Variants in TEX11 observed in about 807,000 individuals in gnomAD.
The protein encoded by TEX11 is testis-expressed protein 11.
Under a neutral mutation model 84.4 loss-of-function variants are expected in TEX11, and 7 were observed. That is an observed-to-expected ratio of 0.08 (90% CI 0.05 to 0.16). The LOEUF is 0.16. TEX11 is among the 10% of genes least tolerant of loss of function. TEX11 has a pLI of 1.00. For synonymous variants in TEX11, 264 were observed against 222.8 expected, an observed-to-expected ratio of 1.18 and a Z score of -1.64; for missense variants, 551 against 660.5, an observed-to-expected ratio of 0.83 and a Z score of 1.82.
intron 7 of TEX11, among the ~76,000 whole-genome samples, chrX:70,838,209 A>G (rs2091416825): frequency 8.9e-6 from 1 of 111,856 alleles, no homozygotes; most frequent in Admixed American, 9.5e-5. Flanking sequence ...ACCTGAGGTC[A>G]GGAGTTCAAG....
intron 7 of TEX11, among the ~76,000 whole-genome samples, chrX:70,838,886 G>C (rs1421133599): frequency 6.2e-5 from 7 of 112,460 alleles, no homozygotes; most frequent in Non-Finnish European, 1.3e-4. Context: ...CTCGCTCATT[G>C]CTAGCACAGC....
intron 13 of TEX11, among the ~76,000 whole-genome samples, chrX:70,703,293 C>T (rs1431417833): frequency 9.0e-6 from 1 of 111,497 alleles, no homozygotes; most frequent in Non-Finnish European, 1.9e-5. Context: ...TACATAATCT[C>T]TTGTAATCTG....
intron 16 of TEX11, among the ~76,000 whole-genome samples, chrX:70,652,563 T>A (rs1215109607): frequency 8.9e-6 from 1 of 112,218 alleles, no homozygotes; most frequent in Non-Finnish European, 1.9e-5. Flanking sequence ...GTTATAGTGG[T>A]TGTTTCTAGA....
chrX:70,629,537 G>T, intron 18 of TEX11, 74 bp downstream of exon 18: 1 of 1,106,157 alleles, frequency 9.0e-7, no homozygotes, highest in Non-Finnish European at 1.2e-6. Context: ...GTGTCTAACT[G>T]ATAATGATTC....
intron 14 of TEX11, among the ~76,000 whole-genome samples, chrX:70,679,351 C>T (rs2090109858): frequency 1.8e-5 from 2 of 109,773 alleles, no homozygotes; most frequent in Non-Finnish European, 1.9e-5. Flanking sequence ...AGCCTCTGCC[C>T]GGCCACCACC....
chrX:70,829,481 CAAAAAAAAA>C (rs60664977), intron 8 of TEX11, among the ~76,000 whole-genome samples: 18 of 72,859 alleles, frequency 2.5e-4, no homozygotes, highest in South Asian at 6.7e-4. Flanking sequence ...CATTCCGTCT[CAAAAAAAAA>C]AAAAAAAAAA....
At chrX:70,908,588 A>G (rs1569465217) in intron 1 of TEX11, 66 bp downstream of exon 1, 1 of 112,134 alleles carries the variant, frequency 8.9e-6, no homozygotes, top group African/African-American at 3.2e-5. Flanking sequence ...CTTGCTAGTT[A>G]TAAACTACCC....
rs1291671125 is a variant in TEX11, at chrX:70,880,074, G to C, written c.73C>G (p.Pro25Ala). 1 of 1,181,046 alleles carries C rather than the reference G, an allele frequency of 8.5e-7. No homozygotes were observed. The highest frequency in any genetic ancestry group is 1.8e-5 in the African/African-American group (1 of 56,567). Residue 25 changes from proline (P) to alanine (A), a missense_variant, in exon 3 of 30, where the codon CCT (proline) becomes GCT (alanine). Coordinates refer to ENST00000374333, the MANE Select transcript of TEX11 (RefSeq NM_031276.3). The stretch of plus-strand genomic sequence containing the variant: ...CTATCAATTGCCTCTGGTATGTTAG[G>C]TGAATTATCATTTGTAACCAGGTTT... ...VENLVTNDNSPNIPEAIDRLF... is the reference protein window; with the variant it reads ...VENLVTNDNSANIPEAIDRLF...
At chrX:70,531,954 C>T (rs1476117103) in intron 28 of TEX11, among the ~76,000 whole-genome samples, 2 of 111,412 alleles carry the variant, frequency 1.8e-5, no homozygotes, top group South Asian at 7.7e-4. Flanking sequence ...CCTAAGCAGA[C>T]GATTTATGTA....
intron 8 of TEX11, among the ~76,000 whole-genome samples, chrX:70,825,178 G>A (rs975026634): frequency 9.1e-6 from 1 of 110,015 alleles, no homozygotes; most frequent in African/African-American, 3.3e-5. Context: ...TGGGCATGGT[G>A]GTGTACGCTT....
At chrX:70,864,659 T>G (rs2147861622) in intron 4 of TEX11, among the ~76,000 whole-genome samples, 1 of 98,994 alleles carries the variant, frequency 1.0e-5, no homozygotes, top group East Asian at 3.1e-4. Context: ...GAAGAATCAC[T>G]CAAACCCGGG....
intron 8 of TEX11, among the ~76,000 whole-genome samples, chrX:70,810,653 A>C (rs984882572): frequency 2.7e-5 from 3 of 110,383 alleles, no homozygotes; most frequent in African/African-American, 9.9e-5. Context: ...AGGGGTGAGG[A>C]GGTATGGGAG....
At chrX:70,889,405 G>A (rs2091726153) in intron 2 of TEX11, among the ~76,000 whole-genome samples, 1 of 109,115 alleles carries the variant, frequency 9.2e-6, no homozygotes. Flanking sequence ...AGACAAGAGT[G>A]AGACTCCATC....
At chrX:70,808,127 A>G (rs2091230810) in intron 8 of TEX11, among the ~76,000 whole-genome samples, 1 of 101,889 alleles carries the variant, frequency 9.8e-6, no homozygotes, top group Non-Finnish European at 2.0e-5. Context: ...AAAAAAAAAA[A>G]AAAAAAAAAA....
In TEX11 at chrX:70,772,355, A is replaced by C. The variant is rs1159883297; in HGVS notation, c.693-28136T>G. 5.4e-5 allele frequency among the ~76,000 whole-genome samples: 6 copies of C among 111,523 alleles called. No homozygotes were observed. In the Admixed American group the frequency reaches 5.7e-4, roughly 11 times the overall value. On this transcript the variant is annotated intron_variant, in intron 9 of 29. Transcript: ENST00000374333. The stretch of plus-strand genomic sequence containing the variant: ...TTTGGGAGGCTGTGGTGGGAGGATC[A>C]CTTTAGTTCAGGAATTCAAGACCAG...
intron 20 of TEX11, among the ~76,000 whole-genome samples, chrX:70,620,603 C>T (rs755709721): frequency 1.8e-5 from 2 of 112,005 alleles, no homozygotes; most frequent in African/African-American, 6.5e-5. Flanking sequence ...CAATCATGCT[C>T]CTCGGTATTA....
the TEX11 span, among the ~76,000 whole-genome samples, chrX:70,513,863 A>C: frequency 9.2e-6 from 1 of 108,799 alleles, no homozygotes; most frequent in African/African-American, 3.4e-5. Flanking sequence ...AATATTATAA[A>C]ATCAATTGCT....
At chrX:70,750,927 A>ATATATATAT (rs1556039261) in intron 9 of TEX11, among the ~76,000 whole-genome samples, 2 of 25,799 alleles carry the variant, frequency 7.8e-5, no homozygotes, top group African/African-American at 1.9e-4. Flanking sequence ...ATAATAAAAA[A>ATATATATAT]AAAAAAATAT....
intron 24 of TEX11, among the ~76,000 whole-genome samples, chrX:70,592,619 T>C (rs1159638818): frequency 9.0e-6 from 1 of 111,386 alleles, no homozygotes; most frequent in African/African-American, 3.3e-5. Flanking sequence ...GCTTATAGGA[T>C]AGAGTGTCCA....
Sources: gnomAD v4.1 joint callset for allele counts (sites outside exome capture counted in the v4.1 genomes callset) on GRCh38, gnomAD v4.1.1 for gene constraint, MANE v1.5 for transcripts, NCBI Gene and HGNC (gene_info 2026-07-23, HGNC 2026-07-21) for gene names.